Variants in MTHFS observed in about 807,000 individuals in gnomAD.
MTHFS encodes methenyltetrahydrofolate synthetase.
MTHFS carries 7 observed loss-of-function variants against 12.7 expected under a neutral mutation model. The ratio of observed to expected loss-of-function variants is 0.55; its 90% CI spans 0.31 to 1.03. The LOEUF (loss-of-function observed/expected upper bound fraction) is 1.03. Ranked by LOEUF, MTHFS falls within the 50% of genes least tolerant of loss-of-function variation. MTHFS has a pLI of 0.05. For synonymous variants in MTHFS, 100 were observed against 97.1 expected (o/e 1.03, Z -0.18); for missense variants, 252 against 258.1 (o/e 0.98, Z 0.16).
intron 2 of MTHFS, among the ~76,000 whole-genome samples, chr15:79,852,885 AT>A (rs1176542101): frequency 6.6e-6 from 1 of 152,224 alleles, no homozygotes; most frequent in Admixed American, 6.5e-5. Flanking sequence ...ATGTGTTTAA[AT>A]GAAGGAAGCA....
chr15:79,847,139 G>C (rs531030063), intron 2 of MTHFS, among the ~76,000 whole-genome samples: 7 of 152,196 alleles, frequency 4.6e-5, no homozygotes, highest in Non-Finnish European at 8.8e-5. Flanking sequence ...ACTTGACCTG[G>C]ATTTTTAAGA....
intron 2 of MTHFS, among the ~76,000 whole-genome samples, chr15:79,887,167 G>A (rs992236073): frequency 6.6e-6 from 1 of 152,170 alleles, no homozygotes; most frequent in African/African-American, 2.4e-5. Flanking sequence ...GGAAGTTGCA[G>A]TGAGCCGAGA....
chr15:79,892,393 T>C (rs1182521908), intron 1 of MTHFS, among the ~76,000 whole-genome samples: 1 of 152,026 alleles, frequency 6.6e-6, no homozygotes, highest in Non-Finnish European at 1.5e-5. Flanking sequence ...ATTGATAAGA[T>C]AAACACATAT....
intron 2 of MTHFS, among the ~76,000 whole-genome samples, chr15:79,887,333 T>C (rs1270286973): frequency 1.3e-5 from 2 of 152,206 alleles, no homozygotes; most frequent in Non-Finnish European, 2.9e-5. Flanking sequence ...TAATGCTTCT[T>C]CCTTACTCTT....
At chr15:79,874,835 C>T (rs111508053) in intron 2 of MTHFS, among the ~76,000 whole-genome samples, 5,733 of 152,126 alleles carry the variant, frequency 0.038, 403 homozygotes, top group African/African-American at 0.13. Flanking sequence ...CTGTTCTGCC[C>T]GGCTCTCAGG....
rs373178137 is a variant in MTHFS at position 79,870,742 on chromosome 15, G to A, written c.379+18351C>T. Among the ~76,000 whole-genome samples, 13 of 152,258 alleles carry A rather than the reference G, an allele frequency of 8.5e-5. No homozygotes were observed. In the South Asian group the frequency reaches 2.3e-3, roughly 27 times the overall value. On this transcript the variant is annotated intron_variant, in intron 2 of 2. Coordinates refer to ENST00000258874, the MANE Select transcript of MTHFS (RefSeq NM_006441.4). Reference sequence around the variant, plus strand: ...ACTCTTCTCTATACTCTATAATATAGTAAGAAAATAATCGAATGTCAATGA... The same window carrying A: ...ACTCTTCTCTATACTCTATAATATAATAAGAAAATAATCGAATGTCAATGA...
At position 79,850,691 on chromosome 15, in the gene MTHFS, T is replaced by A. The variant is rs2033700496; in HGVS notation, c.380-5249A>T. ...AGTAAGGTAAGGACACAAAAATATC[T>A]ATTAGATTTGGCAACTAGGGAATCA... On this transcript the variant is annotated intron_variant, in intron 2 of 2. Coordinates refer to ENST00000258874, the MANE Select transcript of MTHFS (RefSeq NM_006441.4). Among the ~76,000 whole-genome samples the A allele has an allele frequency of 2.0e-5, 3 of 152,222 alleles. No individual in the cohort carries two copies. In the South Asian group the frequency reaches 6.2e-4, roughly 32 times the overall value.
Position 79,889,374 on chromosome 15 carries a change from A to G in MTHFS, c.118-20T>C. The G allele has an allele frequency of 1.2e-6, 2 of 1,606,928 alleles. No individual in the cohort carries two copies. Among genetic ancestry groups the G allele is most frequent in the Non-Finnish European group, 1.7e-6 (2 of 1,175,548 alleles). ...AATCACCTAAATGGGAAATTATGGC[A>G]ATTATATTTTCCAAGACTATATTTA... On this transcript the variant is annotated intron_variant, in intron 1 of 2. Transcript: ENST00000258874.
At chr15:79,895,476 T>C (rs2034551900) in intron 1 of MTHFS, among the ~76,000 whole-genome samples, 1 of 152,238 alleles carries the variant, frequency 6.6e-6, no homozygotes, top group African/African-American at 2.4e-5. Context: ...GCAACAATCA[T>C]ATCTTTTTCA....
At chr15:79,882,229 T>A (rs2034308186) in intron 2 of MTHFS, among the ~76,000 whole-genome samples, 1 of 152,222 alleles carries the variant, frequency 6.6e-6, no homozygotes, top group Admixed American at 6.5e-5. Flanking sequence ...TAGGATCTTA[T>A]AACTACTTAT....
chr15:79,897,231 G>T (rs1868791753), upstream of MTHFS: 1 of 453,550 alleles, frequency 2.2e-6, no homozygotes, highest in Admixed American at 4.4e-5. Context: ...CCGGTTAGGG[G>T]AGCGGTGGCG....
intron 2 of MTHFS, among the ~76,000 whole-genome samples, chr15:79,880,524 C>G (rs2034278861): frequency 6.6e-6 from 1 of 151,850 alleles, no homozygotes; most frequent in Non-Finnish European, 1.5e-5. Context: ...ATATACAATT[C>G]TCAGCTGTAC....
At position 79,845,210 on chromosome 15, in the gene MTHFS, T is replaced by G. The variant is rs971613467; in HGVS notation, c.612A>C (p.Ter204TyrextTer8). Residue 204 changes from the stop codon to tyrosine, a stop_lost, in exon 3 of 3, where the codon TAA becomes TAC. Coordinates refer to ENST00000258874, the MANE Select transcript of MTHFS (RefSeq NM_006441.4). ...EVLYEDSSTA[*>Y] ...ATTATTTGGCTGTAGTAATCCAGAT[T>G]TAAGCTGTTGACGAGTCTTCGTAAA... 1 of 1,614,076 alleles carries G rather than the reference T, an allele frequency of 6.2e-7. No individual in the cohort carries two copies. The highest frequency in any genetic ancestry group is 1.3e-5 in the African/African-American group (1 of 74,920).
intron 1 of MTHFS, among the ~76,000 whole-genome samples, chr15:79,893,060 T>C (rs1449451105): frequency 6.6e-6 from 1 of 152,176 alleles, no homozygotes; most frequent in Non-Finnish European, 1.5e-5. Flanking sequence ...TGGAAATCGG[T>C]CACAAATACT....
chr15:79,849,972 C>T (rs2033685571), intron 2 of MTHFS, among the ~76,000 whole-genome samples: 1 of 152,250 alleles, frequency 6.6e-6, no homozygotes, highest in Non-Finnish European at 1.5e-5. Context: ...CAGCAGTGCC[C>T]TCTGGAGGCA....
At chr15:79,861,413 AACTGGTAGTCATT>A (rs945155639) in intron 2 of MTHFS, among the ~76,000 whole-genome samples, 2 of 152,104 alleles carry the variant, frequency 1.3e-5, no homozygotes, top group African/African-American at 4.8e-5. Context: ...GCTACCACAC[AACTGGTAGTCATT>A]AATGCACGTT....
intron 2 of MTHFS, among the ~76,000 whole-genome samples, chr15:79,860,269 G>T (rs895808885): frequency 4.6e-5 from 7 of 151,478 alleles, no homozygotes; most frequent in Admixed American, 1.3e-4. Flanking sequence ...GGTGCCTGTT[G>T]TCTCAGCTAC....
chr15:79,870,868 C>T (rs1048812187), intron 2 of MTHFS, among the ~76,000 whole-genome samples: 1 of 152,190 alleles, frequency 6.6e-6, no homozygotes, highest in Non-Finnish European at 1.5e-5. Context: ...ATTGGCCGGG[C>T]GTGGTGGCTC....
At chr15:79,889,669 C>T (rs1365490138) in intron 1 of MTHFS, among the ~76,000 whole-genome samples, 4 of 152,120 alleles carry the variant, frequency 2.6e-5, no homozygotes, top group African/African-American at 9.7e-5. Context: ...TGATCCCCAC[C>T]TATCCATTTT....
Sources: allele counts gnomAD v4.1 joint callset (sites outside exome capture counted in the v4.1 genomes callset), GRCh38; gene constraint gnomAD v4.1.1; transcripts MANE v1.5; gene names NCBI Gene and HGNC (gene_info 2026-07-23, HGNC 2026-07-21).